Variants in DCAF5 observed in about 807,000 individuals in gnomAD.
DCAF5 encodes DDB1 and CUL4 associated factor 5, also known as DDB1- and CUL4-associated factor 5.
DCAF5 carries 9 observed loss-of-function variants against 80.7 expected under a neutral mutation model. That is an observed-to-expected ratio of 0.11 (90% CI 0.07 to 0.19). DCAF5 has a LOEUF of 0.19. Among genes scored for constraint, DCAF5 ranks in the 10% least tolerant of loss-of-function variants. DCAF5 has a pLI of 1.00. For synonymous variants in DCAF5, 433 were observed against 461.9 expected, an observed-to-expected ratio of 0.94 and a Z score of 0.80; for missense variants, 842 against 1,205.7, an observed-to-expected ratio of 0.70 and a Z score of 4.47.
intron 8 of DCAF5, among the ~76,000 whole-genome samples, chr14:69,058,118 T>C (rs1164659670): frequency 1.3e-5 from 2 of 152,198 alleles, no homozygotes; most frequent in Non-Finnish European, 2.9e-5. Flanking sequence ...TCCTAATCCT[T>C]AGTATTAATA....
At chr14:69,151,724 G>C (rs1348405983) in intron 1 of DCAF5, among the ~76,000 whole-genome samples, 1 of 151,678 alleles carries the variant, frequency 6.6e-6, no homozygotes, top group African/African-American at 2.4e-5. Context: ...CGCCCCCACC[G>C]GCAGCAGGCG....
intron 1 of DCAF5, among the ~76,000 whole-genome samples, chr14:69,138,606 G>A (rs898640275): frequency 1.3e-5 from 2 of 152,174 alleles, no homozygotes; most frequent in African/African-American, 2.4e-5. Flanking sequence ...GAGGGAAAAG[G>A]TCAGAAGACC....
chr14:69,125,804 AAAGC>A (rs1435101239), intron 1 of DCAF5, among the ~76,000 whole-genome samples: 2 of 152,222 alleles, frequency 1.3e-5, no homozygotes, highest in Non-Finnish European at 2.9e-5. Flanking sequence ...AATGGTAATA[AAAGC>A]AAGTTTCGAA....
At chr14:69,069,971 C>T (rs1199084270) in intron 7 of DCAF5, among the ~76,000 whole-genome samples, 1 of 152,176 alleles carries the variant, frequency 6.6e-6, no homozygotes, top group Non-Finnish European at 1.5e-5. Flanking sequence ...CTACTAAGTA[C>T]TCTCACAATA....
intron 1 of DCAF5, among the ~76,000 whole-genome samples, chr14:69,147,743 A>G (rs905372450): frequency 2.6e-5 from 4 of 152,182 alleles, no homozygotes; most frequent in Admixed American, 2.0e-4. Context: ...CATAATTAAT[A>G]CTTTGAAACA....
chr14:69,062,204 C>T (rs903083904), intron 8 of DCAF5, among the ~76,000 whole-genome samples, 180 bp downstream of exon 8: 3 of 152,128 alleles, frequency 2.0e-5, no homozygotes, highest in Admixed American at 2.0e-4. Flanking sequence ...GGTACTGTCA[C>T]TATGCCTGGC....
chr14:69,094,714 T>C (rs980812190), intron 5 of DCAF5, among the ~76,000 whole-genome samples: 2 of 152,172 alleles, frequency 1.3e-5, no homozygotes, highest in African/African-American at 2.4e-5. Flanking sequence ...TCTGCCCTCA[T>C]AGTCAAGATA....
chr14:69,140,478 T>C (rs2041332640), intron 1 of DCAF5, among the ~76,000 whole-genome samples: 1 of 152,200 alleles, frequency 6.6e-6, no homozygotes. Context: ...ATTCATATTT[T>C]ACAGATGACT....
chr14:69,133,651 T>C (rs2140097960), intron 1 of DCAF5, among the ~76,000 whole-genome samples: 1 of 152,298 alleles, frequency 6.6e-6, no homozygotes, highest in African/African-American at 2.4e-5. Context: ...TCTACAGGCA[T>C]TACTTCTGCT....
chr14:69,084,759 A>G (rs2039252886), intron 6 of DCAF5: 1 of 1,166,934 alleles, frequency 8.6e-7, no homozygotes, highest in Non-Finnish European at 1.3e-6. Flanking sequence ...AAGCAAAAGC[A>G]AAATAAGCAT....
chr14:69,140,591 A>C (rs997684217), intron 1 of DCAF5, among the ~76,000 whole-genome samples: 2 of 152,194 alleles, frequency 1.3e-5, no homozygotes, highest in Non-Finnish European at 2.9e-5. Flanking sequence ...ACCTTTTCTC[A>C]AAATCAACTC....
chr14:69,151,518 C>T (rs1201658401), intron 1 of DCAF5, among the ~76,000 whole-genome samples: 3 of 152,174 alleles, frequency 2.0e-5, no homozygotes, highest in African/African-American at 7.2e-5. Flanking sequence ...GCTGGGTTCC[C>T]CCTTCATCCC....
At chr14:69,061,438 G>A (rs1470603156) in intron 8 of DCAF5, among the ~76,000 whole-genome samples, 1 of 152,206 alleles carries the variant, frequency 6.6e-6, no homozygotes, top group East Asian at 1.9e-4. Context: ...TGGAATACAA[G>A]TGATGGGCAG....
intron 1 of DCAF5, among the ~76,000 whole-genome samples, chr14:69,134,754 A>C (rs1209550670): frequency 6.6e-6 from 1 of 152,236 alleles, no homozygotes; most frequent in East Asian, 1.9e-4. Context: ...GATGATGCCA[A>C]TATTCTGACT....
intron 1 of DCAF5, among the ~76,000 whole-genome samples, chr14:69,140,732 A>G (rs904375272): frequency 1.3e-5 from 2 of 152,218 alleles, no homozygotes; most frequent in Admixed American, 6.5e-5. Flanking sequence ...TGGCATGTTC[A>G]TAACGGTTTC....
chr14:69,063,036 G>T (rs1019141161), intron 7 of DCAF5, among the ~76,000 whole-genome samples: 1 of 152,108 alleles, frequency 6.6e-6, no homozygotes, highest in Admixed American at 6.5e-5. Flanking sequence ...ACCACTGGGG[G>T]AAATAATAGA....
chr14:69,141,570 A>G (rs937643139), intron 1 of DCAF5, among the ~76,000 whole-genome samples: 1 of 152,234 alleles, frequency 6.6e-6, no homozygotes, highest in Admixed American at 6.5e-5. Context: ...CCTTTTTAAG[A>G]ATGAAAGGAA....
intron 1 of DCAF5, among the ~76,000 whole-genome samples, chr14:69,151,595 ACCCCCCCT>A (rs1363808409): frequency 6.6e-6 from 1 of 151,282 alleles, no homozygotes; most frequent in Non-Finnish European, 1.5e-5. Flanking sequence ...AGCCGTCTTC[ACCCCCCCT>A]CCCCTGAGCC....
intron 5 of DCAF5, among the ~76,000 whole-genome samples, chr14:69,094,460 A>T (rs1239362894): frequency 2.6e-5 from 4 of 152,202 alleles, no homozygotes; most frequent in African/African-American, 9.6e-5. Flanking sequence ...ACACAAAGAA[A>T]GTACAAAGGA....
Sources: gnomAD v4.1 joint callset for allele counts (sites outside exome capture counted in the v4.1 genomes callset) on GRCh38, gnomAD v4.1.1 for gene constraint, MANE v1.5 for transcripts, NCBI Gene and HGNC (gene_info 2026-07-23, HGNC 2026-07-21) for gene names.